PRKG1: variants seen among roughly 807,000 people sequenced by gnomAD.
The protein encoded by PRKG1 is protein kinase cGMP-dependent 1, also known as cGMP-dependent protein kinase 1.
PRKG1 carries 35 observed loss-of-function variants against 88.1 expected under a neutral mutation model. That is an observed-to-expected ratio of 0.40 (90% CI 0.30 to 0.53). The LOEUF (loss-of-function observed/expected upper bound fraction) is 0.53. Ranked by LOEUF, PRKG1 falls within the 20% of genes least tolerant of loss-of-function variation. The pLI, the probability that PRKG1 is intolerant of heterozygous loss-of-function variation, is 0.59. For missense variants in PRKG1, 540 were observed against 839.8 expected, an observed-to-expected ratio of 0.64 and a Z score of 4.41; for synonymous variants, 303 against 292.5, an observed-to-expected ratio of 1.04 and a Z score of -0.37.
At chr10:51,316,419 C>A (rs1386407718) in intron 2 of PRKG1, among the ~76,000 whole-genome samples, 1 of 152,164 alleles carries the variant, frequency 6.6e-6, no homozygotes, top group Non-Finnish European at 1.5e-5. Context: ...CGCAGTGGCT[C>A]ACGCCTGTAA....
chr10:52,057,082 C>A (rs990177757), intron 6 of PRKG1, among the ~76,000 whole-genome samples: 8 of 152,090 alleles, frequency 5.3e-5, no homozygotes, highest in Non-Finnish European at 1.0e-4. Context: ...AAAGGATAAC[C>A]TTGGGCAAGA....
intron 7 of PRKG1, among the ~76,000 whole-genome samples, chr10:52,078,491 T>G (rs1846688124): frequency 6.6e-6 from 1 of 152,210 alleles, no homozygotes; most frequent in Admixed American, 6.5e-5. Context: ...ACTTCCTACA[T>G]GTGTACACTA....
chr10:51,462,998 G>T (rs1839785938), intron 2 of PRKG1, among the ~76,000 whole-genome samples: 1 of 152,108 alleles, frequency 6.6e-6, no homozygotes, highest in Admixed American at 6.6e-5. Context: ...TGTTCCCTTA[G>T]TAACAGACCT....
chr10:52,054,385 A>G, intron 5 of PRKG1, 99 bp from the exon 6 acceptor site: 1 of 805,594 alleles, frequency 1.2e-6, no homozygotes, highest in South Asian at 1.6e-5. Context: ...AAATTCCATT[A>G]GGATGAATAT....
At chr10:51,255,623 A>T (rs746544356) in intron 2 of PRKG1, among the ~76,000 whole-genome samples, 1 of 152,104 alleles carries the variant, frequency 6.6e-6, no homozygotes, top group Non-Finnish European at 1.5e-5. Flanking sequence ...CATGCCTTTG[A>T]TGTTCAGTGA....
intron 1 of PRKG1, among the ~76,000 whole-genome samples, chr10:51,048,269 C>T (rs969740552): frequency 7.3e-5 from 11 of 151,720 alleles, no homozygotes; most frequent in African/African-American, 2.4e-4. Flanking sequence ...TTTCTTGCTC[C>T]CTCTTTCTTT....
chr10:51,043,513 C>A (rs182431037), intron 1 of PRKG1, among the ~76,000 whole-genome samples: 4 of 152,218 alleles, frequency 2.6e-5, no homozygotes, highest in African/African-American at 9.6e-5. Flanking sequence ...TTTATTTAAT[C>A]CTGTAGTAGC....
chr10:51,546,498 T>C (rs1842448074), intron 3 of PRKG1, among the ~76,000 whole-genome samples: 1 of 152,066 alleles, frequency 6.6e-6, no homozygotes, highest in Non-Finnish European at 1.5e-5. Context: ...AAATACTGGT[T>C]TGAAAATGTA....
chr10:51,925,258 G>C (rs1234298714), intron 5 of PRKG1, among the ~76,000 whole-genome samples: 6 of 151,616 alleles, frequency 4.0e-5, no homozygotes, highest in African/African-American at 1.5e-4. Context: ...TGTAGCTGTA[G>C]TGTCAGGGGC....
chr10:51,810,743 C>T (rs998817248), intron 4 of PRKG1, among the ~76,000 whole-genome samples: 4 of 152,056 alleles, frequency 2.6e-5, no homozygotes, highest in African/African-American at 4.8e-5. Context: ...AAACTTTATA[C>T]TTTCATTTGA....
chr10:52,293,757 C>G (rs780412503), intron 17 of PRKG1, 45 bp from the exon 18 acceptor site: 1 of 1,496,206 alleles, frequency 6.7e-7, no homozygotes, highest in East Asian at 2.3e-5. Context: ...GCTTGGAATT[C>G]CACTAAAAAA....
intron 4 of PRKG1, among the ~76,000 whole-genome samples, chr10:51,838,484 A>T (rs1840186255): frequency 6.6e-6 from 1 of 152,222 alleles, no homozygotes; most frequent in Admixed American, 6.5e-5. Context: ...TTCCGAAAGG[A>T]AGTGTCCTCT....
chr10:52,213,762 C>T (rs144507632), intron 9 of PRKG1, among the ~76,000 whole-genome samples: 20 of 152,300 alleles, frequency 1.3e-4, no homozygotes, highest in South Asian at 4.1e-4. Flanking sequence ...ACACCAACCA[C>T]AGAGCAGAGA....
chr10:51,158,514 C>T (rs994578017), intron 2 of PRKG1, among the ~76,000 whole-genome samples: 11 of 151,906 alleles, frequency 7.2e-5, no homozygotes, highest in African/African-American at 2.7e-4. Context: ...AAAACTTGAA[C>T]AGCAATAGTT....
At chr10:51,787,110 G>A (rs951546149) in intron 3 of PRKG1, among the ~76,000 whole-genome samples, 2 of 152,120 alleles carry the variant, frequency 1.3e-5, no homozygotes, top group Admixed American at 6.6e-5. Context: ...TGAACCTTTG[G>A]TTGGATAATC....
At chr10:51,361,897 A>G (rs1369483630) in intron 2 of PRKG1, among the ~76,000 whole-genome samples, 1 of 151,816 alleles carries the variant, frequency 6.6e-6, no homozygotes, top group Non-Finnish European at 1.5e-5. Context: ...TTTTGCCTCA[A>G]ATTTTCTTGT....
At chr10:51,161,747 G>A (rs955570216) in intron 2 of PRKG1, among the ~76,000 whole-genome samples, 8 of 152,034 alleles carry the variant, frequency 5.3e-5, no homozygotes, top group African/African-American at 1.9e-4. Context: ...ATTTTGCTAA[G>A]ATATCAATCT....
At chr10:51,293,468 T>C (rs548210395) in intron 2 of PRKG1, among the ~76,000 whole-genome samples, 69 of 152,274 alleles carry the variant, frequency 4.5e-4, no homozygotes, top group Non-Finnish European at 8.7e-4. Context: ...GGTGAGATCA[T>C]GCAATAGTTG....
At chr10:52,082,620 T>A (rs770135281) in intron 7 of PRKG1, among the ~76,000 whole-genome samples, 1 of 152,138 alleles carries the variant, frequency 6.6e-6, no homozygotes, top group Non-Finnish European at 1.5e-5. Flanking sequence ...TGTTTGAAGT[T>A]CTCTCTGCTG....
Sources: gnomAD v4.1 joint callset for allele counts (sites outside exome capture counted in the v4.1 genomes callset) on GRCh38, gnomAD v4.1.1 for gene constraint, MANE v1.5 for transcripts, NCBI Gene and HGNC (gene_info 2026-07-23, HGNC 2026-07-21) for gene names.